Variants in NIPBL observed in about 807,000 individuals in gnomAD.
The protein encoded by NIPBL is NIPBL cohesin loading factor.
NIPBL carries 19 observed loss-of-function variants against 321.8 expected under a neutral mutation model. The observed-to-expected ratio is 0.06, with a 90% CI of 0.04 to 0.09. The LOEUF is 0.09. Ranked by LOEUF, NIPBL falls within the 10% of genes least tolerant of loss-of-function variation. The pLI, the probability that NIPBL is intolerant of heterozygous loss-of-function variation, is 1.00. For missense variants in NIPBL, 2,210 were observed against 3,327.0 expected, an observed-to-expected ratio of 0.66 and a Z score of 8.26; for synonymous variants, 1,106 against 1,114.1, an observed-to-expected ratio of 0.99 and a Z score of 0.14.
At position 37,022,253 on chromosome 5, in the gene NIPBL, C is replaced by G; in HGVS notation, c.5437C>G (p.Gln1813Glu). 1 of 1,613,962 alleles carries G rather than the reference C, an allele frequency of 6.2e-7. No homozygotes were observed. Among genetic ancestry groups the G allele is most frequent in the Non-Finnish European group, 8.5e-7 (1 of 1,179,968 alleles). ...CTTCATTTTTCTTTAGCTTGATATGCAACGAGGTGTTCATGGACGATTGAT... is the reference window on the plus strand; with the variant it reads ...CTTCATTTTTCTTTAGCTTGATATGGAACGAGGTGTTCATGGACGATTGAT... The part of the protein sequence containing the change: ...DPSILARLDM[Q>E]RGVHGRLMDN... Residue 1813 changes from glutamine to glutamate, a missense_variant, in exon 29 of 47, where the codon CAA (glutamine) becomes GAA (glutamate). Around this residue, in one of 14 missense-constraint regions of NIPBL, gnomAD observed 49 missense variants for 163.6 expected, o/e 0.30. Transcript: ENST00000282516.
rs200440893 is a variant in NIPBL at position 36,975,963 on chromosome 5, C to T, written c.1056C>T (p.Ser352=). The T allele has an allele frequency of 4.8e-4, 771 of 1,613,922 alleles. No individual in the cohort carries two copies. Among genetic ancestry groups the T allele is most frequent in the Non-Finnish European group, 6.3e-4 (739 of 1,179,894 alleles). The change falls in exon 9 of 47, where the codon TCC becomes TCT. Residue 352 remains serine, a synonymous_variant. Coordinates refer to ENST00000282516, the MANE Select transcript of NIPBL (RefSeq NM_133433.4). ...TGTATGATATAATTAGTTCTCCATC[C>T]AAGGACTCTACTAAACTTACATTAA... ...AAMYDIISSP[S]KDSTKLTLRL...
intron 6 of NIPBL, among the ~76,000 whole-genome samples, chr5:36,969,950 TA>T (rs563002154): frequency 7.6e-4 from 116 of 152,312 alleles, no homozygotes; most frequent in African/African-American, 2.6e-3. Flanking sequence ...TACACATTTA[TA>T]AAAACAGTCC....
chr5:37,007,990 C>G lies in NIPBL; in HGVS notation c.4240-18C>G. On this transcript the variant is annotated intron_variant, in intron 18 of 46. Coordinates refer to ENST00000282516, the MANE Select transcript of NIPBL (RefSeq NM_133433.4). ...ATCAACTAAAGGTGTATACTACTTA[C>G]TCTTCTTTTTTAAACAGGTTTCATC... 1 of 1,454,634 alleles carries G rather than the reference C, an allele frequency of 6.9e-7. No individual in the cohort carries two copies. Among genetic ancestry groups the G allele is most frequent in the Non-Finnish European group, 9.7e-7 (1 of 1,035,150 alleles). 90.1% of individuals were successfully genotyped at this position (1,454,634 alleles called of 1,614,324 possible).
chr5:36,948,136 T>A (rs570129161), intron 1 of NIPBL, among the ~76,000 whole-genome samples: 1 of 152,068 alleles, frequency 6.6e-6, no homozygotes, highest in South Asian at 2.1e-4. Flanking sequence ...CTTTACCACA[T>A]TCTTGTGGCC....
At chr5:36,914,007 C>T (rs1748253947) in intron 1 of NIPBL, among the ~76,000 whole-genome samples, 2 of 152,210 alleles carry the variant, frequency 1.3e-5, no homozygotes, top group South Asian at 2.1e-4. Context: ...CTACTCCATA[C>T]AGTAGCTCCA....
intron 6 of NIPBL, among the ~76,000 whole-genome samples, chr5:36,966,201 CTCT>C (rs1742186573): frequency 2.0e-5 from 3 of 152,158 alleles, no homozygotes; most frequent in South Asian, 4.1e-4. Flanking sequence ...ATTTTTACAT[CTCT>C]TATGGAGGCT....
At position 36,897,803 on chromosome 5, in the gene NIPBL, A is replaced by G. The variant is rs377593277; in HGVS notation, c.-80+20625A>G. Among the ~76,000 whole-genome samples the G allele has an allele frequency of 4.7e-5, 7 of 148,688 alleles. No homozygotes were observed. In the East Asian group the frequency reaches 6.1e-4, roughly 13 times the overall value. On this transcript the variant is annotated intron_variant, in intron 1 of 46. Coordinates refer to ENST00000282516, the MANE Select transcript of NIPBL (RefSeq NM_133433.4). ...TATATAGGGATGCAAAATAAATTCTATTGGTCAGTAATTTCTGAAGTCTTT... is the reference window on the plus strand; with the variant it reads ...TATATAGGGATGCAAAATAAATTCTGTTGGTCAGTAATTTCTGAAGTCTTT...
chr5:37,059,115 A>G lies in NIPBL; in HGVS notation c.7635A>G (p.Leu2545=), dbSNP rs1423750009. 30 of 1,614,036 alleles carry G rather than the reference A, an allele frequency of 1.9e-5. No homozygotes were observed. The highest frequency in any genetic ancestry group is 2.4e-5 in the Non-Finnish European group (28 of 1,179,988). Residue 2545 remains leucine (L), a synonymous_variant, in exon 44 of 47, where the codon TTA becomes TTG. Coordinates refer to ENST00000282516, the MANE Select transcript of NIPBL (RefSeq NM_133433.4). ...CAAATGTGTCCCAGGGTATTTTATT[A>G]CTTCTCATGTTAAAACAACATTTGA... ...EFANVSQGIL[L]LLMLKQHLKN... is the part of the protein sequence containing the mutation.
At chr5:37,057,430 G>T in intron 43 of NIPBL, 98 bp downstream of exon 43, 1 of 1,211,878 alleles carries the variant, frequency 8.3e-7, no homozygotes, top group East Asian at 2.3e-5. Context: ...TCCTCTTCAC[G>T]AGTATATAAA....
intron 31 of NIPBL, among the ~76,000 whole-genome samples, chr5:37,026,629 A>G (rs1256899010): frequency 6.6e-6 from 1 of 152,236 alleles, no homozygotes; most frequent in South Asian, 2.1e-4. Flanking sequence ...ACAATCGCCC[A>G]AGGGTAATAA....
chr5:37,027,604 T>G (rs402065), intron 32 of NIPBL, among the ~76,000 whole-genome samples, 192 bp downstream of exon 32: 6 of 56,572 alleles, frequency 1.1e-4, no homozygotes, highest in African/African-American at 8.8e-4. Context: ...CTGGTTGTGG[T>G]TTTTTTTTTT....
chr5:37,005,199 T>C (rs1424668393), intron 16 of NIPBL, among the ~76,000 whole-genome samples: 1 of 152,188 alleles, frequency 6.6e-6, no homozygotes, highest in African/African-American at 2.4e-5. Flanking sequence ...GAATAAAATA[T>C]GTAGAAAAAT....
At chr5:36,911,707 A>G (rs1367077794) in intron 1 of NIPBL, among the ~76,000 whole-genome samples, 1 of 152,228 alleles carries the variant, frequency 6.6e-6, no homozygotes, top group Non-Finnish European at 1.5e-5. Context: ...CATATTATTA[A>G]TTGTGAAGTT....
rs1744586791 is a variant in NIPBL, at chr5:36,985,030, A to C, written c.1850A>C (p.Glu617Ala). The C allele has an allele frequency of 5.0e-6, 8 of 1,613,968 alleles. No homozygotes were observed. The highest frequency in any genetic ancestry group is 1.7e-4 in the Middle Eastern group (1 of 6,056). The change falls in exon 10 of 47, where the codon GAA (glutamate) becomes GCA (alanine). Residue 617 changes from glutamate to alanine, a missense_variant. Physicochemically the swap from Glu to Ala is moderately radical, Grantham distance 107. Around this residue, in one of 14 missense-constraint regions of NIPBL, gnomAD observed 588 missense variants for 564.1 expected, o/e 1.04. Coordinates refer to ENST00000282516, the MANE Select transcript of NIPBL (RefSeq NM_133433.4). ...ELSKSEMKQS[E>A]SRLAESKPNE... ...TCAAAGAGTGAAATGAAACAAAGTG[A>C]AAGTAGATTAGCAGAATCTAAACCA...
At chr5:37,001,461 A>G (rs1746793121) in intron 14 of NIPBL, among the ~76,000 whole-genome samples, 2 of 152,178 alleles carry the variant, frequency 1.3e-5, no homozygotes, top group African/African-American at 4.8e-5. Context: ...CTAAAGAATC[A>G]TGAGTAAGTG....
intron 21 of NIPBL, among the ~76,000 whole-genome samples, chr5:37,012,503 G>A (rs558136857): frequency 6.8e-4 from 92 of 135,342 alleles, no homozygotes; most frequent in African/African-American, 2.5e-3. Flanking sequence ...GGTGTTTCTC[G>A]CAGAGGGGGA....
chr5:36,968,745 A>G (rs1283219769), intron 6 of NIPBL, among the ~76,000 whole-genome samples: 2 of 152,226 alleles, frequency 1.3e-5, no homozygotes, highest in African/African-American at 2.4e-5. Context: ...AGTGGTAGAA[A>G]AAATTAGAAA....
intron 1 of NIPBL, among the ~76,000 whole-genome samples, chr5:36,951,931 C>T (rs1264584189): frequency 6.6e-6 from 1 of 151,136 alleles, no homozygotes; most frequent in Non-Finnish European, 1.5e-5. Flanking sequence ...ACCACAAAGA[C>T]AAGATAGTTA....
Position 36,972,018 on chromosome 5 carries a change from C to G in NIPBL, c.845C>G (p.Ala282Gly). 6.2e-7 allele frequency: 1 copy of G among 1,612,782 alleles called. No individual in the cohort carries two copies. Among genetic ancestry groups the G allele is most frequent in the Non-Finnish European group, 8.5e-7 (1 of 1,178,948 alleles). Residue 282 changes from alanine to glycine, a missense_variant, in exon 8 of 47, where the codon GCT (alanine) becomes GGT (glycine). Coordinates refer to ENST00000282516, the MANE Select transcript of NIPBL (RefSeq NM_133433.4). ...LRSPQPVCSP[A>G]GSEGTPKGSR... is the part of the protein sequence containing the mutation. ...TCTCCACAGCCAGTATGCTCCCCTGCTGGAAGTGAAGGAACTCCTAAAGGT... is the reference window on the plus strand; with the variant it reads ...TCTCCACAGCCAGTATGCTCCCCTGGTGGAAGTGAAGGAACTCCTAAAGGT...
Sources: gnomAD v4.1 joint callset for allele counts (sites outside exome capture counted in the v4.1 genomes callset) on GRCh38, gnomAD v4.1.1 for gene constraint, gnomAD v4.1.1 regional missense constraint, MANE v1.5 for transcripts, NCBI Gene and HGNC (gene_info 2026-07-23, HGNC 2026-07-21) for gene names.